Variants in SLC22A23 observed in about 807,000 individuals in gnomAD.
SLC22A23 encodes ion transporter protein.
A neutral mutation model predicts 61.0 loss-of-function variants in SLC22A23; 26 were observed. The ratio of observed to expected loss-of-function variants is 0.43; its 90% CI spans 0.31 to 0.59. The LOEUF (loss-of-function observed/expected upper bound fraction) is 0.59. SLC22A23 is among the 20% of genes least tolerant of loss of function. The probability of loss-of-function intolerance (pLI) is 0.11; values close to 1 mark genes in which losing one functional copy is unlikely to be tolerated. For missense variants in SLC22A23, 796 were observed against 934.7 expected, an observed-to-expected ratio of 0.85 and a Z score of 1.94; for synonymous variants, 430 against 413.9, an observed-to-expected ratio of 1.04 and a Z score of -0.47.
chr6:3,405,269 A>G (rs138356144), intron 3 of SLC22A23, among the ~76,000 whole-genome samples: 1 of 142,094 alleles, frequency 7.0e-6, no homozygotes, highest in African/African-American at 2.9e-5. Context: ...AAAAAATTTA[A>G]AAAAAAAAAA....
rs1772439401 is a variant in SLC22A23, at chr6:3,456,958, G to C, written c.-399C>G. 6.6e-6 allele frequency: 1 copy of C among 150,512 alleles called. No homozygotes were observed. The highest frequency in any genetic ancestry group is 2.0e-4 in the South Asian group (1 of 4,938). 9.3% of individuals were successfully genotyped at this position (150,512 alleles called of 1,614,324 possible). A position where few individuals can be genotyped will look rare whatever the true frequency, so the allele number is the denominator to read the frequency against. On this transcript the variant is annotated 5_prime_UTR_variant, in exon 1 of 10. Coordinates refer to ENST00000406686, the MANE Select transcript of SLC22A23 (RefSeq NM_015482.2). The surrounding 1 kb of genome is among the most constrained non-coding windows in gnomAD (Gnocchi z 7.1). Reference sequence around the variant, plus strand: ...GGCGGTTCAGGGCCCTGCGGGCGGCGGTGCGGGCAAAGGCTGCTGCTCCCG... The same window carrying C: ...GGCGGTTCAGGGCCCTGCGGGCGGCCGTGCGGGCAAAGGCTGCTGCTCCCG...
At chr6:3,431,761 G>A (rs1770879678) in intron 1 of SLC22A23, among the ~76,000 whole-genome samples, 1 of 152,200 alleles carries the variant, frequency 6.6e-6, no homozygotes, top group Admixed American at 6.5e-5. Context: ...GAAAGTGAGG[G>A]CACAAGGCAA....
intron 1 of SLC22A23, among the ~76,000 whole-genome samples, chr6:3,438,330 C>T (rs576370551): frequency 6.6e-6 from 1 of 152,378 alleles, no homozygotes; most frequent in Admixed American, 6.5e-5. Context: ...ATACCTAGCA[C>T]ACTCACTTTC....
At chr6:3,320,713 TAGTGGAGGCTTCCA>T (rs1762898910) in intron 4 of SLC22A23, among the ~76,000 whole-genome samples, 1 of 152,178 alleles carries the variant, frequency 6.6e-6, no homozygotes, top group Admixed American at 6.5e-5. Context: ...CCAATAATTC[TAGTGGAGGCTTCCA>T]AGGCTGGTAG....
At chr6:3,451,505 T>A (rs1772153604) in intron 1 of SLC22A23, among the ~76,000 whole-genome samples, 1 of 152,222 alleles carries the variant, frequency 6.6e-6, no homozygotes, top group Admixed American at 6.5e-5. Context: ...CCTGTGCAAA[T>A]CATTAAGCGC....
intron 1 of SLC22A23, among the ~76,000 whole-genome samples, chr6:3,433,453 T>C (rs771053689): frequency 5.4e-5 from 8 of 147,532 alleles, no homozygotes; most frequent in Non-Finnish European, 1.1e-4. Flanking sequence ...TCCTGCTTCC[T>C]ACCCCAAAAA....
At chr6:3,434,030 G>A (rs1771040316) in intron 1 of SLC22A23, among the ~76,000 whole-genome samples, 1 of 152,160 alleles carries the variant, frequency 6.6e-6, no homozygotes, top group Admixed American at 6.5e-5. Context: ...AAAAATCTGT[G>A]AAAGCTGGGT....
At chr6:3,312,693 A>G (rs1191007073) in intron 4 of SLC22A23, 6 of 152,212 alleles carry the variant, frequency 3.9e-5, no homozygotes, top group African/African-American at 1.4e-4. Flanking sequence ...CATTCCAACC[A>G]CCATGTGGAT....
chr6:3,445,938 G>A (rs1771874985), intron 1 of SLC22A23, among the ~76,000 whole-genome samples: 1 of 152,104 alleles, frequency 6.6e-6, no homozygotes, highest in Admixed American at 6.5e-5. Flanking sequence ...ATGTGGGCAG[G>A]TTTCCATCTT....
rs554828621 is a variant in SLC22A23, at chr6:3,374,437, GAAAACTAGC to G, written c.913+35742_913+35750del. 2.1e-3 allele frequency among the ~76,000 whole-genome samples: 314 copies of G among 152,312 alleles called. 2 individuals carry two copies. Among genetic ancestry groups the G allele is most frequent in the South Asian group, 5.4e-3 (26 of 4,824 alleles). The stretch of plus-strand genomic sequence containing the variant: ...AGGTAAATCCTGGAGAGTCAGAAAG[GAAAACTAGC>G]AATCTACCTGACAGTAACAACATGA... On this transcript the variant is annotated intron_variant, in intron 3 of 9. Coordinates refer to ENST00000406686, the MANE Select transcript of SLC22A23 (RefSeq NM_015482.2).
rs932978594 is a variant in SLC22A23, at chr6:3,333,640, C to T, written c.914-9638G>A. Among the ~76,000 whole-genome samples the T allele has an allele frequency of 6.6e-6, 1 of 152,196 alleles. No individual in the cohort carries two copies. The highest frequency in any genetic ancestry group is 1.5e-5 in the Non-Finnish European group (1 of 68,034). On this transcript the variant is annotated intron_variant, in intron 3 of 9. Transcript: ENST00000406686. This position sits in a 1 kb window ranked among gnomAD's most constrained non-coding sequence, Gnocchi z 4.1. ...ATCTTGCCCAGAAGCTTTGCCCTGA[C>T]CATGCTATATAAAATAGTAATCCCT...
chr6:3,355,949 T>TTTTTTTTTTTTTTTGAG (rs1561920163), intron 3 of SLC22A23, among the ~76,000 whole-genome samples: 3 of 131,264 alleles, frequency 2.3e-5, no homozygotes, highest in African/African-American at 9.0e-5. Flanking sequence ...AGTTTTTTTT[T>TTTTTTTTTTTTTTTGAG]AAAGGCAAAA....
chr6:3,277,085 T>A (rs1263025184), intron 9 of SLC22A23: 1 of 152,366 alleles, frequency 6.6e-6, no homozygotes, highest in Non-Finnish European at 1.5e-5. Flanking sequence ...TGGTTCCAGG[T>A]GGCATCCATT....
intron 4 of SLC22A23, among the ~76,000 whole-genome samples, chr6:3,314,905 G>T (rs1038211322): frequency 6.6e-6 from 1 of 152,124 alleles, no homozygotes; most frequent in African/African-American, 2.4e-5. Flanking sequence ...ACTCTCCAGT[G>T]TTATGCAGTG....
intron 3 of SLC22A23, among the ~76,000 whole-genome samples, chr6:3,402,605 C>CCAACA (rs1768504949): frequency 6.6e-6 from 1 of 152,032 alleles, no homozygotes; most frequent in African/African-American, 2.4e-5. Context: ...ACCCCAATCA[C>CCAACA]CTATACTACC....
intron 2 of SLC22A23, among the ~76,000 whole-genome samples, chr6:3,412,900 G>A (rs6941659): frequency 0.8 from 121,017 of 151,824 alleles, 48,657 homozygotes; most frequent in South Asian, 0.86. Context: ...AAAAGCAGGG[G>A]AGCAGATTAT....
intron 8 of SLC22A23, chr6:3,284,812 C>G (rs1759820392): frequency 8.1e-7 from 1 of 1,240,772 alleles, no homozygotes; most frequent in African/African-American, 1.5e-5. Flanking sequence ...AGGGCCTGTG[C>G]TGAGCCTGGT....
At chr6:3,307,715 G>A (rs1022617252) in intron 4 of SLC22A23, among the ~76,000 whole-genome samples, 10 of 152,252 alleles carry the variant, frequency 6.6e-5, no homozygotes, top group African/African-American at 2.4e-4. Context: ...CACAGCAGCT[G>A]GAAGCGGTGA....
intron 9 of SLC22A23, among the ~76,000 whole-genome samples, chr6:3,280,138 C>T (rs1036149456): frequency 9.2e-5 from 14 of 152,174 alleles, no homozygotes; most frequent in Non-Finnish European, 2.9e-5. Flanking sequence ...TGAAGATGCC[C>T]AGCGAAGAAG....
Sources: allele counts gnomAD v4.1 joint callset (sites outside exome capture counted in the v4.1 genomes callset), GRCh38; gene constraint gnomAD v4.1.1; non-coding constraint Gnocchi (gnomAD v3.1); transcripts MANE v1.5; gene names NCBI Gene and HGNC (gene_info 2026-07-23, HGNC 2026-07-21).